PLPPR1: variants seen among roughly 807,000 people sequenced by gnomAD.
PLPPR1 encodes phospholipid phosphatase-related protein type 1.
A neutral mutation model predicts 33.1 loss-of-function variants in PLPPR1; 10 were observed. That is an observed-to-expected ratio of 0.30 (90% CI 0.19 to 0.51). The LOEUF (loss-of-function observed/expected upper bound fraction) is 0.51. Among genes scored for constraint, PLPPR1 ranks in the 20% least tolerant of loss-of-function variants. The probability of loss-of-function intolerance (pLI) is 0.97; values close to 1 mark genes in which losing one functional copy is unlikely to be tolerated. For missense variants in PLPPR1, 304 were observed against 408.1 expected, an observed-to-expected ratio of 0.74 and a Z score of 2.20; for synonymous variants, 151 against 151.0, an observed-to-expected ratio of 1.00 and a Z score of 0.00.
intron 1 of PLPPR1, chr9:101,126,035 G>A (rs1264945393): frequency 1.5e-5 from 3 of 203,648 alleles, no homozygotes; most frequent in Non-Finnish European, 2.9e-5. Context: ...ATTTTTTCTG[G>A]GGACTACTGC....
intron 1 of PLPPR1, among the ~76,000 whole-genome samples, chr9:101,106,209 T>G (rs1830967262): frequency 6.7e-6 from 1 of 149,112 alleles, no homozygotes; most frequent in African/African-American, 2.5e-5. Context: ...AGCTGGTGCT[T>G]TTGCTCGTTA....
intron 2 of PLPPR1, among the ~76,000 whole-genome samples, chr9:101,239,718 G>A (rs1026940169): frequency 1.3e-5 from 2 of 151,918 alleles, no homozygotes; most frequent in Non-Finnish European, 2.9e-5. Context: ...GCTTTTGAGA[G>A]ATGTCTATTC....
At chr9:101,048,830 G>C (rs1830183719) in intron 1 of PLPPR1, among the ~76,000 whole-genome samples, 1 of 152,066 alleles carries the variant, frequency 6.6e-6, no homozygotes. Flanking sequence ...TTAAAATACA[G>C]GAAAAGGGTA....
At chr9:101,049,698 T>TAC (rs1254444359) in intron 1 of PLPPR1, among the ~76,000 whole-genome samples, 2 of 152,216 alleles carry the variant, frequency 1.3e-5, no homozygotes, top group Non-Finnish European at 2.9e-5. Context: ...GACTATGGTA[T>TAC]ACTCTTTTTC....
intron 1 of PLPPR1, among the ~76,000 whole-genome samples, chr9:101,049,979 G>T (rs1928700): frequency 6.6e-6 from 1 of 151,792 alleles, no homozygotes; most frequent in African/African-American, 2.4e-5. Flanking sequence ...GCAAAAATTA[G>T]CCAGGTGTGG....
intron 3 of PLPPR1, among the ~76,000 whole-genome samples, chr9:101,284,872 C>A (rs1828364592): frequency 6.6e-6 from 1 of 152,122 alleles, no homozygotes; most frequent in Admixed American, 6.5e-5. Flanking sequence ...TCTATGAGAT[C>A]ACATTATTCT....
chr9:101,227,853 T>C (rs1326176307), intron 2 of PLPPR1, among the ~76,000 whole-genome samples: 1 of 152,178 alleles, frequency 6.6e-6, no homozygotes, highest in Non-Finnish European at 1.5e-5. Context: ...CTCAGCTCAC[T>C]GCAACCTCCA....
chr9:101,031,955 CA>C (rs536458936), intron 1 of PLPPR1, among the ~76,000 whole-genome samples: 69 of 152,132 alleles, frequency 4.5e-4, no homozygotes, highest in Middle Eastern at 3.4e-3. Context: ...CATGGAAGCA[CA>C]AAGGGAGGGC....
intron 1 of PLPPR1, among the ~76,000 whole-genome samples, chr9:101,034,824 G>A (rs993667646): frequency 6.6e-6 from 1 of 151,512 alleles, no homozygotes; most frequent in African/African-American, 2.4e-5. Context: ...TGGGGGCGGG[G>A]GGGTTGGTTA....
chr9:101,246,055 A>AATATATATATAT (rs58070017), intron 2 of PLPPR1, among the ~76,000 whole-genome samples: 1 of 85,646 alleles, frequency 1.2e-5, no homozygotes, highest in Non-Finnish European at 2.5e-5. Flanking sequence ...ATTGAATATG[A>AATATATATATAT]ATATATATAT....
intron 1 of PLPPR1, among the ~76,000 whole-genome samples, chr9:101,158,747 T>C (rs1831732378): frequency 6.6e-6 from 1 of 152,232 alleles, no homozygotes; most frequent in Non-Finnish European, 1.5e-5. Context: ...ACTTCTAGCC[T>C]GCATTGCAGG....
At chr9:101,233,625 C>T (rs990234357) in intron 2 of PLPPR1, among the ~76,000 whole-genome samples, 2 of 151,846 alleles carry the variant, frequency 1.3e-5, no homozygotes, top group South Asian at 2.1e-4. Flanking sequence ...CAAACTTGGC[C>T]CTCTCTTGCT....
chr9:101,076,128 G>A (rs550224723), intron 1 of PLPPR1, among the ~76,000 whole-genome samples: 48 of 152,054 alleles, frequency 3.2e-4, no homozygotes, highest in Non-Finnish European at 6.8e-4. Flanking sequence ...CGTGAGTAAT[G>A]CAAATTCTCC....
At chr9:101,158,050 G>A (rs1403109098) in intron 1 of PLPPR1, among the ~76,000 whole-genome samples, 2 of 151,936 alleles carry the variant, frequency 1.3e-5, no homozygotes, top group Admixed American at 6.6e-5. Flanking sequence ...AAAAAAACAA[G>A]CTTAAGGAAG....
At chr9:101,135,882 C>G (rs1248128659) in intron 1 of PLPPR1, among the ~76,000 whole-genome samples, 1 of 152,158 alleles carries the variant, frequency 6.6e-6, no homozygotes, top group East Asian at 1.9e-4. Context: ...AAAGGAGCAG[C>G]AGGAGAGTCA....
chr9:101,311,959 C>CTTTGTAACTACTACCAA (rs1828966495), intron 5 of PLPPR1, among the ~76,000 whole-genome samples: 1 of 152,156 alleles, frequency 6.6e-6, no homozygotes, highest in East Asian at 1.9e-4. Context: ...TCTAAACCAC[C>CTTTGTAACTACTACCAA]AGGGACACAT....
At chr9:101,304,713 C>T (rs1313951011) in intron 4 of PLPPR1, among the ~76,000 whole-genome samples, 1 of 152,212 alleles carries the variant, frequency 6.6e-6, no homozygotes, top group East Asian at 1.9e-4. Context: ...TTCAGAGCTA[C>T]AGCTTGAAAG....
At chr9:101,178,239 C>A (rs879158520) in intron 1 of PLPPR1, among the ~76,000 whole-genome samples, 1 of 152,200 alleles carries the variant, frequency 6.6e-6, no homozygotes, top group Non-Finnish European at 1.5e-5. Context: ...AGAGGTTACA[C>A]GTGGGCTCAG....
At chr9:101,322,389 G>A (rs192046099) in intron 7 of PLPPR1, 5 of 151,920 alleles carry the variant, frequency 3.3e-5, no homozygotes, top group Admixed American at 3.3e-4. Flanking sequence ...ATATTTTGTT[G>A]TTGTTGTTTT....
Sources: allele counts gnomAD v4.1 joint callset (sites outside exome capture counted in the v4.1 genomes callset), GRCh38; gene constraint gnomAD v4.1.1; transcripts MANE v1.5; gene names NCBI Gene and HGNC (gene_info 2026-07-23, HGNC 2026-07-21).